Variants in SORBS2 observed in about 807,000 individuals in gnomAD.
SORBS2 encodes sorbin and SH3 domain containing 2, also known as sorbin and SH3 domain-containing protein 2.
A neutral mutation model predicts 97.7 loss-of-function variants in SORBS2; 46 were observed. The ratio of observed to expected loss-of-function variants is 0.47; its 90% CI spans 0.37 to 0.60. The LOEUF (loss-of-function observed/expected upper bound fraction) is 0.60, where lower values mean the gene tolerates loss of function less well. Ranked by LOEUF, SORBS2 falls within the 20% of genes least tolerant of loss-of-function variation. The pLI, the probability that SORBS2 is intolerant of heterozygous loss-of-function variation, is 0.00. For synonymous variants in SORBS2, 476 were observed against 473.4 expected (o/e 1.01, Z -0.07); for missense variants, 1,316 against 1,282.3 (o/e 1.03, Z -0.40).
chr4:185,884,398 ATTC>A (rs1256595585), intron 1 of SORBS2, among the ~76,000 whole-genome samples: 1 of 152,212 alleles, frequency 6.6e-6, no homozygotes, highest in Non-Finnish European at 1.5e-5. Context: ...GACATTTTGA[ATTC>A]TTCTTCATGC....
At chr4:185,877,308 A>G (rs2099234189) in intron 1 of SORBS2, among the ~76,000 whole-genome samples, 1 of 152,148 alleles carries the variant, frequency 6.6e-6, no homozygotes, top group South Asian at 2.1e-4. Flanking sequence ...TTTTTTTAAA[A>G]GAGCCAAAGT....
At chr4:185,936,192 T>C (rs1937964896) in intron 1 of SORBS2, among the ~76,000 whole-genome samples, 1 of 152,236 alleles carries the variant, frequency 6.6e-6, no homozygotes, top group South Asian at 2.1e-4. Context: ...ACACGTGCTA[T>C]TCAAACTTAG....
chr4:185,653,150 C>A (rs927030930), intron 1 of SORBS2, among the ~76,000 whole-genome samples: 2 of 152,126 alleles, frequency 1.3e-5, no homozygotes, highest in African/African-American at 4.8e-5. Flanking sequence ...TCAGAATTAA[C>A]TGGGGAATAT....
intron 6 of SORBS2, among the ~76,000 whole-genome samples, chr4:185,625,152 T>A (rs1370076088): frequency 2.6e-5 from 4 of 152,204 alleles, no homozygotes; most frequent in African/African-American, 9.6e-5. Context: ...CGAATTTACC[T>A]CTTAAATTGC....
intron 4 of SORBS2, among the ~76,000 whole-genome samples, chr4:185,640,757 C>T (rs2097112437): frequency 6.6e-6 from 1 of 152,082 alleles, no homozygotes; most frequent in Admixed American, 6.5e-5. Flanking sequence ...TTTGCTGGAG[C>T]TGGTTTTTAG....
At chr4:185,777,469 C>T (rs1297180619) in intron 1 of SORBS2, among the ~76,000 whole-genome samples, 1 of 152,026 alleles carries the variant, frequency 6.6e-6, no homozygotes, top group Non-Finnish European at 1.5e-5. Flanking sequence ...GGGTATAATG[C>T]ATTTAAATAT....
intron 1 of SORBS2, among the ~76,000 whole-genome samples, chr4:185,807,568 G>A (rs76120793): frequency 3.2e-4 from 48 of 152,194 alleles, no homozygotes; most frequent in African/African-American, 1.1e-3. Context: ...GTAAAAACCC[G>A]TCTTTGCTGG....
intron 1 of SORBS2, among the ~76,000 whole-genome samples, chr4:185,879,409 C>T (rs2099235726): frequency 1.3e-5 from 2 of 152,042 alleles, no homozygotes; most frequent in Admixed American, 1.3e-4. Flanking sequence ...TTTCTTAATC[C>T]AGTCTATCAT....
chr4:185,875,728 G>A (rs1345109067), intron 1 of SORBS2, among the ~76,000 whole-genome samples: 1 of 152,190 alleles, frequency 6.6e-6, no homozygotes, highest in African/African-American at 2.4e-5. Flanking sequence ...TGTCTTTCCA[G>A]GACTGATCAG....
At chr4:185,663,726 T>C (rs1274271684) in intron 4 of SORBS2, among the ~76,000 whole-genome samples, 1 of 152,194 alleles carries the variant, frequency 6.6e-6, no homozygotes, top group Non-Finnish European at 1.5e-5. Flanking sequence ...AGAATCCTTC[T>C]TATTAAAAAC....
intron 1 of SORBS2, among the ~76,000 whole-genome samples, chr4:185,916,165 G>A (rs1196991794): frequency 6.6e-6 from 1 of 152,166 alleles, no homozygotes; most frequent in Non-Finnish European, 1.5e-5. Context: ...GGACCGGAGG[G>A]AAACAAGAAT....
intron 2 of SORBS2, among the ~76,000 whole-genome samples, chr4:185,730,795 G>T (rs988240292): frequency 6.6e-6 from 1 of 152,342 alleles, no homozygotes; most frequent in East Asian, 1.9e-4. Flanking sequence ...TGTGCCTTTG[G>T]AGCTGGACAT....
At chr4:185,879,178 C>A (rs1436270437) in intron 1 of SORBS2, among the ~76,000 whole-genome samples, 1 of 125,996 alleles carries the variant, frequency 7.9e-6, no homozygotes. Flanking sequence ...CCCCCCCCCA[C>A]CCCACGACAG....
intron 1 of SORBS2, among the ~76,000 whole-genome samples, chr4:185,885,072 T>C (rs1449511921): frequency 6.6e-6 from 1 of 152,172 alleles, no homozygotes; most frequent in Non-Finnish European, 1.5e-5. Context: ...AATCAAAATG[T>C]TTAATTAATG....
At chr4:185,659,650 T>C (rs1277966475), upstream of SORBS2, among the ~76,000 whole-genome samples, 1 of 152,104 alleles carries the variant, frequency 6.6e-6, no homozygotes. Flanking sequence ...CTCGATCTCC[T>C]GACCTCGTGA....
chr4:185,638,699 G>T (rs576122501), intron 4 of SORBS2, among the ~76,000 whole-genome samples, 178 bp downstream of exon 14: 1 of 151,872 alleles, frequency 6.6e-6, no homozygotes, highest in Non-Finnish European at 1.5e-5. Flanking sequence ...CAGGCGAGCT[G>T]GGGGGAGGGG....
intron 1 of SORBS2, among the ~76,000 whole-genome samples, chr4:185,934,422 T>C (rs1400176596): frequency 1.3e-5 from 2 of 152,160 alleles, no homozygotes; most frequent in East Asian, 3.9e-4. Context: ...TTTAGAAAAC[T>C]CTCACCCTTC....
chr4:185,899,628 G>A (rs1412393695), intron 1 of SORBS2, among the ~76,000 whole-genome samples: 1 of 152,022 alleles, frequency 6.6e-6, no homozygotes, highest in African/African-American at 2.4e-5. Flanking sequence ...ACATGCCCAG[G>A]CACTCCCAGA....
chr4:185,930,395 C>T (rs1031663000), intron 1 of SORBS2, among the ~76,000 whole-genome samples: 5 of 151,966 alleles, frequency 3.3e-5, no homozygotes, highest in African/African-American at 9.7e-5. Flanking sequence ...CCCGGGTTCA[C>T]GCTATTCTCC....
Sources: allele counts gnomAD v4.1 joint callset (sites outside exome capture counted in the v4.1 genomes callset), GRCh38; gene constraint gnomAD v4.1.1; transcripts MANE v1.5; gene names NCBI Gene and HGNC (gene_info 2026-07-23, HGNC 2026-07-21).